PRDM10: variants seen among roughly 807,000 people sequenced by gnomAD.
PRDM10 encodes PR/SET domain 10.
In PRDM10, 65 loss-of-function variants were observed where a neutral mutation model predicts 133.1. The ratio of observed to expected loss-of-function variants is 0.49; its 90% CI spans 0.40 to 0.60. The LOEUF (loss-of-function observed/expected upper bound fraction) is 0.60. Among genes scored for constraint, PRDM10 ranks in the 20% least tolerant of loss-of-function variants. The probability of loss-of-function intolerance (pLI) is 0.00; values close to 1 mark genes in which losing one functional copy is unlikely to be tolerated. For synonymous variants in PRDM10, 582 were observed against 580.4 expected (o/e 1.00, Z -0.04); for missense variants, 1,137 against 1,507.1 (o/e 0.75, Z 4.07).
rs766133641 is a variant in PRDM10 at position 129,917,278 on chromosome 11, A to G, written c.2215-41T>C. Reference sequence around the variant, plus strand: ...AGAACCAATGAGAAAAAGAGACCCCATTAACCAAACAGAAGCTACACGAAT... The same window carrying G: ...AGAACCAATGAGAAAAAGAGACCCCGTTAACCAAACAGAAGCTACACGAAT... On this transcript the variant is annotated intron_variant, in intron 14 of 20. Coordinates refer to ENST00000360871, the MANE Select transcript of PRDM10 (RefSeq NM_199437.2). 33 of 1,474,054 alleles carry G rather than the reference A, an allele frequency of 2.2e-5. No individual in the cohort carries two copies. The South Asian group carries it at 3.8e-4, about 17-fold the overall frequency. 91.3% of individuals were successfully genotyped at this position (1,474,054 alleles called of 1,614,324 possible). A position where few individuals can be genotyped will look rare whatever the true frequency, so the allele number is the denominator to read the frequency against.
In PRDM10 at chr11:129,914,896, G is replaced by A. The variant is rs1408786056; in HGVS notation, c.2649C>T (p.Ser883=). The A allele has an allele frequency of 6.2e-6, 10 of 1,614,012 alleles. No individual in the cohort carries two copies. Among genetic ancestry groups the A allele is most frequent in the East Asian group, 4.5e-5 (2 of 44,888 alleles). The change falls in exon 17 of 21, where the codon AGC becomes AGT. Residue 883 remains serine, a synonymous_variant. Transcript: ENST00000360871. ...TCGTCACCACAGTCTCTCCAGTGGC[G>A]CTGTCTGTAGTCAAAACCGCTGGGG... ...SATPAVLTTD[S]ATGETVVTTD...
chr11:129,989,728 A>G (rs1938627995), intron 1 of PRDM10, among the ~76,000 whole-genome samples: 1 of 152,238 alleles, frequency 6.6e-6, no homozygotes, highest in South Asian at 2.1e-4. Flanking sequence ...TGTTTTAACT[A>G]GGGAAAACTT....
At chr11:129,953,469 T>C (rs1951630692) in intron 4 of PRDM10, among the ~76,000 whole-genome samples, 1 of 151,836 alleles carries the variant, frequency 6.6e-6, no homozygotes, top group Non-Finnish European at 1.5e-5. Context: ...AATTTTTGTA[T>C]TTTTAGTAGA....
intron 11 of PRDM10, among the ~76,000 whole-genome samples, chr11:129,930,673 G>T (rs1204438137): frequency 1.1e-4 from 17 of 152,186 alleles, no homozygotes; most frequent in Non-Finnish European, 2.9e-5. Context: ...AATTAGCCTG[G>T]TTTAAAATAT....
chr11:129,941,998 C>T (rs577582783), intron 7 of PRDM10, among the ~76,000 whole-genome samples: 3 of 152,262 alleles, frequency 2.0e-5, no homozygotes, highest in East Asian at 1.9e-4. Flanking sequence ...CTGGTTCAAG[C>T]GATTCTCCTG....
chr11:129,982,028 C>A (rs1591690847), intron 1 of PRDM10, among the ~76,000 whole-genome samples: 1 of 152,054 alleles, frequency 6.6e-6, no homozygotes, highest in Non-Finnish European at 1.5e-5. Context: ...GAGGCCGAGG[C>A]TGGTGGATCA....
chr11:129,968,881 G>A (rs1264717770), intron 1 of PRDM10, among the ~76,000 whole-genome samples: 1 of 152,190 alleles, frequency 6.6e-6, no homozygotes, highest in Non-Finnish European at 1.5e-5. Context: ...AGCAAACGAT[G>A]AGTGCAAAAA....
chr11:129,910,422 A>G lies in PRDM10; in HGVS notation c.3163+54T>C, dbSNP rs549531429. ...TCACAAGCTGAAGAAATTATGACAC[A>G]TGGCTGGAGATCCCCCACCCCTGAC... On this transcript the variant is annotated intron_variant, in intron 19 of 20. Transcript: ENST00000360871. 5.0e-6 allele frequency: 8 copies of G among 1,606,450 alleles called. No homozygotes were observed. The Admixed American group carries it at 1.0e-4, about 20-fold the overall frequency.
chr11:129,912,374 G>A (rs750082883), intron 17 of PRDM10, 149 bp from the exon 18 acceptor site: 1 of 849,820 alleles, frequency 1.2e-6, no homozygotes, highest in Non-Finnish European at 1.6e-6. Flanking sequence ...GGAGGCCAAA[G>A]CGGGTGTATC....
intron 20 of PRDM10, among the ~76,000 whole-genome samples, chr11:129,903,554 A>G (rs1949913162): frequency 6.6e-6 from 1 of 152,156 alleles, no homozygotes; most frequent in Admixed American, 6.6e-5. Flanking sequence ...TTCAGCCTGT[A>G]GCTGGCTATT....
intron 20 of PRDM10, among the ~76,000 whole-genome samples, chr11:129,902,742 C>T (rs543519743): frequency 3.9e-5 from 6 of 152,210 alleles, no homozygotes; most frequent in South Asian, 4.2e-4. Context: ...AATGATAGAG[C>T]GAACAACTTC....
intron 16 of PRDM10, 91 bp from the exon 17 acceptor site, chr11:129,915,109 T>C (rs997716293): frequency 1.5e-6 from 2 of 1,345,572 alleles, no homozygotes; most frequent in Non-Finnish European, 2.0e-6. Flanking sequence ...ATTCCTAAAG[T>C]CTTTTATGTC....
At position 129,900,794 on chromosome 11, in the gene PRDM10, C is replaced by T. The variant is rs1016255372; in HGVS notation, c.*1519G>A. The T allele has an allele frequency of 3.3e-5, 5 of 152,300 alleles. No homozygotes were observed. The highest frequency in any genetic ancestry group is 1.2e-4 in the African/African-American group (5 of 41,426). 9.4% of individuals were successfully genotyped at this position (152,300 alleles called of 1,614,324 possible). A position where few individuals can be genotyped will look rare whatever the true frequency, so the allele number is the denominator to read the frequency against. ...TTATGAAGTAATTTTCTCAAGTTCT[C>T]TTAGTACTCAAACATTGGGGAACAA... On this transcript the variant is annotated 3_prime_UTR_variant, in exon 21 of 21. Transcript: ENST00000360871.
intron 9 of PRDM10, 145 bp downstream of exon 9, chr11:129,934,956 G>T: frequency 1.7e-6 from 1 of 604,130 alleles, no homozygotes; most frequent in Non-Finnish European, 3.0e-6. Flanking sequence ...AAAAGGAGAT[G>T]ACAGGTAACA....
chr11:129,924,015 A>T (rs79118501), intron 12 of PRDM10, among the ~76,000 whole-genome samples: 1,757 of 152,380 alleles, frequency 0.012, 81 homozygotes, highest in Admixed American at 0.08. Flanking sequence ...TTTTAGATAA[A>T]TAAAGGAATA....
At chr11:129,972,401 A>G (rs1172750668) in intron 1 of PRDM10, among the ~76,000 whole-genome samples, 1 of 152,240 alleles carries the variant, frequency 6.6e-6, no homozygotes, top group Non-Finnish European at 1.5e-5. Context: ...ACTGGCAACA[A>G]TAGCAACAAA....
At chr11:129,996,240 A>T (rs1394055117) in intron 1 of PRDM10, among the ~76,000 whole-genome samples, 6 of 152,210 alleles carry the variant, frequency 3.9e-5, no homozygotes, top group Non-Finnish European at 5.9e-5. Context: ...ACCTTCAGAG[A>T]CAAAAAGGAT....
intron 6 of PRDM10, 43 bp from the exon 7 acceptor site, chr11:129,942,672 C>A: frequency 1.4e-6 from 2 of 1,479,196 alleles, no homozygotes; most frequent in Non-Finnish European, 1.9e-6. Context: ...ACAAAACCTT[C>A]AATATGAGAC....
At chr11:129,933,862 T>C (rs1232132984) in intron 9 of PRDM10, among the ~76,000 whole-genome samples, 1 of 152,110 alleles carries the variant, frequency 6.6e-6, no homozygotes, top group Non-Finnish European at 1.5e-5. Context: ...CTTGTAAGCC[T>C]CTTCATGCCA....
Sources: gnomAD v4.1 joint callset for allele counts (sites outside exome capture counted in the v4.1 genomes callset) on GRCh38, gnomAD v4.1.1 for gene constraint, MANE v1.5 for transcripts, NCBI Gene and HGNC (gene_info 2026-07-23, HGNC 2026-07-21) for gene names.